The following ABCA9 variants were observed in gnomAD, a reference collection of about 807,000 sequenced individuals.
ABCA9 encodes the protein ATP binding cassette subfamily A member 9, also known as ATP-binding cassette sub-family A member 9.
In ABCA9, 183 loss-of-function variants were observed where a neutral mutation model predicts 205.3. The ratio of observed to expected loss-of-function variants is 0.89; its 90% CI spans 0.79 to 1.01. The LOEUF (loss-of-function observed/expected upper bound fraction) is 1.01. Among genes scored for constraint, ABCA9 ranks in the 50% least tolerant of loss-of-function variants. The pLI, the probability that ABCA9 is intolerant of heterozygous loss-of-function variation, is 0.00. For synonymous variants in ABCA9, 651 were observed against 683.3 expected (o/e 0.95, Z 0.74); for missense variants, 1,805 against 1,912.4 (o/e 0.94, Z 1.05).
intron 28 of ABCA9, among the ~76,000 whole-genome samples, chr17:68,991,678 T>G (rs1205966889): frequency 6.6e-6 from 1 of 152,210 alleles, no homozygotes; most frequent in African/African-American, 2.4e-5. Context: ...GACACATTGG[T>G]GTCTTGGTTT....
At position 69,032,226 on chromosome 17, in the gene ABCA9, A is replaced by C; in HGVS notation, c.1327T>G (p.Trp443Gly). 1 of 1,613,708 alleles carries C rather than the reference A, an allele frequency of 6.2e-7. No individual in the cohort carries two copies. Among genetic ancestry groups the C allele is most frequent in the South Asian group, 1.1e-5 (1 of 91,052 alleles). Residue 443 changes from tryptophan (W) to glycine (G), a missense_variant, in exon 10 of 39, where the codon TGG (tryptophan) becomes GGG (glycine). By Grantham distance (184) the Trp-to-Gly change is radical. Transcript: ENST00000340001. ...TGATTAGCCCTTCCGTGTTGAAACC[A>C]AAAACAGGATTTCAGGAAAAACAAG... ...SPLFFLKSCF[W>G]FQHGRANHVV...
chr17:69,059,422 T>C lies in ABCA9; in HGVS notation c.-14+1444A>G, dbSNP rs528570835. Among the ~76,000 whole-genome samples, 3 of 151,644 alleles carry C rather than the reference T, an allele frequency of 2.0e-5. No individual in the cohort carries two copies. In the South Asian group the frequency reaches 6.3e-4, roughly 32 times the overall value. ...GGCAGACAAGATCAGAGTGAGGCAGTAGAAGAAGGGTTCATTCTGCTGCTA... is the reference window on the plus strand; with the variant it reads ...GGCAGACAAGATCAGAGTGAGGCAGCAGAAGAAGGGTTCATTCTGCTGCTA... On this transcript the variant is annotated intron_variant, in intron 1 of 38. Coordinates refer to ENST00000340001, the MANE Select transcript of ABCA9 (RefSeq NM_080283.4).
rs368477259 is a variant in ABCA9, at chr17:68,980,631, G to A, written c.4720+1931C>T. On this transcript the variant is annotated intron_variant, in intron 37 of 38. Transcript: ENST00000340001. ...TAAAAATGATGAGTTCATGTCCTTT[G>A]TAGGGACATGGATGAAGCTGGAAAC... is the stretch of plus-strand genomic sequence containing the variant. 7.2e-5 allele frequency among the ~76,000 whole-genome samples: 11 copies of A among 152,096 alleles called. No individual in the cohort carries two copies. The East Asian group carries it at 1.5e-3, about 21-fold the overall frequency.
intron 30 of ABCA9, 138 bp from the exon 31 acceptor site, chr17:68,989,256 T>TCA (rs71293542): frequency 0.022 from 5,317 of 242,484 alleles, 61 homozygotes; most frequent in African/African-American, 0.039. Flanking sequence ...TCTCTCTCTC[T>TCA]CACACACACA....
intron 10 of ABCA9, among the ~76,000 whole-genome samples, chr17:69,029,714 A>G (rs533151062): frequency 6.6e-6 from 1 of 152,324 alleles, no homozygotes; most frequent in African/African-American, 2.4e-5. Context: ...CATTGAGTTC[A>G]GTTATTCAGC....
Position 69,033,783 on chromosome 17 carries a change from C to A in ABCA9, c.1219G>T (p.Val407Phe), listed in dbSNP as rs2071240808. The change falls in exon 9 of 39, where the codon GTT (valine) becomes TTT (phenylalanine). Residue 407 changes from valine to phenylalanine, a missense_variant. Val to Phe is a conservative substitution (Grantham distance 50). Coordinates refer to ENST00000340001, the MANE Select transcript of ABCA9 (RefSeq NM_080283.4). ...ACCAAATACAGAAGGGTGTCAAAAA[C>A]CAACATGAAAAGAGTAGCTATTATG... ...YLIIATLFML[V>F]FDTLLYLVLT... is the part of the protein sequence containing the mutation. The A allele has an allele frequency of 6.2e-7, 1 of 1,611,754 alleles. No homozygotes were observed. Among genetic ancestry groups the A allele is most frequent in the South Asian group, 1.1e-5 (1 of 90,756 alleles).
intron 36 of ABCA9, 134 bp downstream of exon 36, chr17:68,983,575 A>C: frequency 7.8e-7 from 1 of 1,276,252 alleles, no homozygotes; most frequent in Non-Finnish European, 1.1e-6. Flanking sequence ...TTGGAATTGA[A>C]TTTCTCTTAA....
intron 25 of ABCA9, chr17:69,004,896 T>C (rs9915757): frequency 0.69 from 104,703 of 152,488 alleles, 36,339 homozygotes; most frequent in Middle Eastern, 0.75. Flanking sequence ...AGGTGCCGTC[T>C]GTCACCCCTT....
chr17:68,976,524 C>T (rs780018729), intron 37 of ABCA9, among the ~76,000 whole-genome samples: 1 of 152,184 alleles, frequency 6.6e-6, no homozygotes. Context: ...TTGTCTACTC[C>T]AAAGGCTGAT....
At chr17:68,988,603 T>C (rs985719496) in intron 31 of ABCA9, among the ~76,000 whole-genome samples, 10 of 152,200 alleles carry the variant, frequency 6.6e-5, no homozygotes, top group Non-Finnish European at 8.8e-5. Context: ...ACATAATCTT[T>C]AATTATAGCA....
At chr17:69,006,572 G>T (rs994069329) in intron 25 of ABCA9, among the ~76,000 whole-genome samples, 1 of 152,148 alleles carries the variant, frequency 6.6e-6, no homozygotes, top group Non-Finnish European at 1.5e-5. Context: ...TTTTTATTAA[G>T]TTCAGAAACT....
intron 37 of ABCA9, among the ~76,000 whole-genome samples, chr17:68,979,483 C>A (rs1260579921): frequency 6.6e-6 from 1 of 150,828 alleles, no homozygotes; most frequent in Admixed American, 6.6e-5. Flanking sequence ...CAAGTCAATC[C>A]TAGTCCAAAA....
At chr17:69,021,190 G>A (rs2070795513) in intron 18 of ABCA9, among the ~76,000 whole-genome samples, 1 of 151,954 alleles carries the variant, frequency 6.6e-6, no homozygotes, top group Non-Finnish European at 1.5e-5. Context: ...AAAGAAAAAT[G>A]CTTGATCAAT....
chr17:69,039,571 A>C (rs1029591961), intron 6 of ABCA9, among the ~76,000 whole-genome samples: 4 of 152,222 alleles, frequency 2.6e-5, no homozygotes, highest in Admixed American at 2.6e-4. Flanking sequence ...TGGATTAAAG[A>C]CTTGAACATA....
At chr17:69,017,874 GC>G in intron 20 of ABCA9, 85 bp from the exon 21 acceptor site, 1 of 1,445,536 alleles carries the variant, frequency 6.9e-7, no homozygotes. Flanking sequence ...ATCACACAAA[GC>G]ATATCACACA....
rs777624281 is a variant in ABCA9, at chr17:69,033,788, A to G, written c.1214T>C (p.Met405Thr). The change falls in exon 9 of 39, where the codon ATG (methionine) becomes ACG (threonine). Residue 405 changes from methionine (M) to threonine (T), a missense_variant. Coordinates refer to ENST00000340001, the MANE Select transcript of ABCA9 (RefSeq NM_080283.4). ...NPYLIIATLF[M>T]LVFDTLLYLV... is the part of the protein sequence containing the mutation. ...ATACAGAAGGGTGTCAAAAACCAACATGAAAAGAGTAGCTATTATGAGGTA... is the reference window on the plus strand; with the variant it reads ...ATACAGAAGGGTGTCAAAAACCAACGTGAAAAGAGTAGCTATTATGAGGTA... 1.6e-5 allele frequency: 25 copies of G among 1,612,070 alleles called. No individual in the cohort carries two copies. The South Asian group carries it at 2.2e-4, about 14-fold the overall frequency.
At chr17:69,064,341 G>A (rs777303291), upstream of ABCA9, among the ~76,000 whole-genome samples, 6 of 152,112 alleles carry the variant, frequency 3.9e-5, no homozygotes, top group Non-Finnish European at 5.9e-5. Context: ...GTTAACAAAC[G>A]TATCAGGATC....
At position 69,008,097 on chromosome 17, in the gene ABCA9, C is replaced by T. The variant is rs2070219578; in HGVS notation, c.3286G>A (p.Glu1096Lys). The T allele has an allele frequency of 1.2e-6, 2 of 1,612,692 alleles. No individual in the cohort carries two copies. Among genetic ancestry groups the T allele is most frequent in the Admixed American group, 3.3e-5 (2 of 59,926 alleles). Residue 1096 changes from glutamate to lysine, a missense_variant, in exon 24 of 39, where the codon GAG becomes AAG. Physicochemically the swap from Glu to Lys is moderately conservative, Grantham distance 56 (BLOSUM62 1). Coordinates refer to ENST00000340001, the MANE Select transcript of ABCA9 (RefSeq NM_080283.4). ...AGGTTTTGAATTATAAATATAATCT[C>T]CTCTGGGCTAAAAATATAATCCATT... ...QIMDYIFSPEEIIFIIQNLLI... is the reference protein window; with the variant it reads ...QIMDYIFSPEKIIFIIQNLLI...
intron 29 of ABCA9, 92 bp from the exon 30 acceptor site, chr17:68,990,022 A>G: frequency 1.2e-6 from 1 of 841,742 alleles, no homozygotes. Flanking sequence ...TTCCTTATAA[A>G]AAATCATGAA....
Sources: allele counts gnomAD v4.1 joint callset (sites outside exome capture counted in the v4.1 genomes callset), GRCh38; gene constraint gnomAD v4.1.1; transcripts MANE v1.5; gene names NCBI Gene and HGNC (gene_info 2026-07-23, HGNC 2026-07-21).